Variants in ABL1 observed in about 807,000 individuals in gnomAD.
ABL1 encodes ABL proto-oncogene 1, non-receptor tyrosine kinase, also known as tyrosine-protein kinase ABL1.
ABL1 carries 11 observed loss-of-function variants against 94.7 expected under a neutral mutation model. The observed-to-expected ratio is 0.12, with a 90% CI of 0.07 to 0.19. ABL1 has a LOEUF of 0.19. ABL1 is among the 10% of genes least tolerant of loss of function. ABL1 has a pLI of 1.00. For synonymous variants in ABL1, 656 were observed against 622.4 expected, an observed-to-expected ratio of 1.05 and a Z score of -0.80; for missense variants, 1,082 against 1,489.4, an observed-to-expected ratio of 0.73 and a Z score of 4.50.
chr9:130,769,827 G>A (rs1405678874), intron 1 of ABL1, among the ~76,000 whole-genome samples: 1 of 151,932 alleles, frequency 6.6e-6, no homozygotes, highest in South Asian at 2.1e-4. Flanking sequence ...TCCCTTGTGC[G>A]GCCCTTTTGT....
exon 1 of ABL1, chr9:130,714,101 A>G (rs544427943): frequency 1.2e-4 from 51 of 417,730 alleles, no homozygotes; most frequent in Non-Finnish European, 1.9e-4. Context: ...TGAAATTGAT[A>G]ACCGCGAAAA....
chr9:130,853,169 TC>T (rs1830903186), intron 1 of ABL1, among the ~76,000 whole-genome samples: 2 of 111,162 alleles, frequency 1.8e-5, no homozygotes, highest in African/African-American at 6.8e-5. Flanking sequence ...ATTTGACTTT[TC>T]TTTTTTTTTT....
At chr9:130,815,569 A>G (rs1034280273) in intron 1 of ABL1, among the ~76,000 whole-genome samples, 9 of 151,992 alleles carry the variant, frequency 5.9e-5, no homozygotes, top group African/African-American at 2.2e-4. Context: ...GTCATCTCTC[A>G]CTTGGATGAT....
intron 1 of ABL1, among the ~76,000 whole-genome samples, chr9:130,759,933 C>T (rs182931925): frequency 3.5e-4 from 52 of 150,550 alleles, no homozygotes; most frequent in African/African-American, 1.3e-3. Context: ...GCTGGGACTA[C>T]GTGCTTGTGC....
chr9:130,725,005 G>T (rs959497355), intron 1 of ABL1: 5 of 274,982 alleles, frequency 1.8e-5, no homozygotes, highest in African/African-American at 8.8e-5. Flanking sequence ...CACAACGTGT[G>T]CATCATATTG....
intron 1 of ABL1, among the ~76,000 whole-genome samples, chr9:130,765,658 A>C (rs34063018): frequency 0.023 from 3,551 of 152,266 alleles, 137 homozygotes; most frequent in African/African-American, 0.082. Flanking sequence ...TTCTCTTATA[A>C]GGAAGGAAAT....
chr9:130,880,005 C>A lies in ABL1; in HGVS notation c.1424-63C>A. On this transcript the variant is annotated intron_variant, in intron 8 of 10. Coordinates refer to ENST00000318560, the MANE Select transcript of ABL1 (RefSeq NM_005157.6). The surrounding 1 kb of genome is among the most constrained non-coding windows in gnomAD (Gnocchi z 4.4). Reference sequence around the variant, plus strand: ...TTCATTCTAGACTTTTCCTTGAGAACTGCTAGCCCCGTATTGCTAGCCAGA... The same window carrying A: ...TTCATTCTAGACTTTTCCTTGAGAAATGCTAGCCCCGTATTGCTAGCCAGA... 6.8e-7 allele frequency: 1 copy of A among 1,464,292 alleles called. No individual in the cohort carries two copies. Among genetic ancestry groups the A allele is most frequent in the Non-Finnish European group, 9.6e-7 (1 of 1,043,502 alleles). The allele number at this position is 1,464,292 out of a possible 1,614,324, so 90.7% of individuals were successfully genotyped here.
In ABL1 at chr9:130,883,061, G is replaced by A. The variant is rs34542147; in HGVS notation, c.1679-908G>A. ...TCAGACAGGCCTGGATCTGATAACC[G>A]GCTCTGATGCCACCATCCCTGAGGC... is the stretch of plus-strand genomic sequence containing the variant. On this transcript the variant is annotated intron_variant, in intron 10 of 10. Coordinates refer to ENST00000318560, the MANE Select transcript of ABL1 (RefSeq NM_005157.6). Among the ~76,000 whole-genome samples the A allele has an allele frequency of 2.1e-4, 32 of 152,244 alleles. 1 individual carries two copies. In the East Asian group the frequency reaches 4.1e-3, roughly 19 times the overall value.
chr9:130,735,012 T>C (rs1831716540), intron 1 of ABL1, among the ~76,000 whole-genome samples: 1 of 152,146 alleles, frequency 6.6e-6, no homozygotes, highest in Non-Finnish European at 1.5e-5. Context: ...CGATTTATTT[T>C]AAAATTAAAT....
chr9:130,746,290 T>A (rs972405252), intron 1 of ABL1, among the ~76,000 whole-genome samples: 11 of 152,052 alleles, frequency 7.2e-5, no homozygotes, highest in Non-Finnish European at 1.3e-4. Context: ...TTTATTTTTT[T>A]AAATTTTATT....
Position 130,886,538 on chromosome 9 carries a change from G to A in ABL1, c.*855G>A, listed in dbSNP as rs1428826410. 1.3e-5 allele frequency: 3 copies of A among 232,566 alleles called. No homozygotes were observed. Among genetic ancestry groups the A allele is most frequent in the Non-Finnish European group, 1.7e-5 (2 of 118,000 alleles). 14.4% of individuals were successfully genotyped at this position (232,566 alleles called of 1,614,324 possible). A position where few individuals can be genotyped will look rare whatever the true frequency, so the allele number is the denominator to read the frequency against. ...CTCCCCCAGCAGAATGGAGGCAGGG[G>A]ACAAGGGAGGCAGTGGCTAGTGGGG... On this transcript the variant is annotated 3_prime_UTR_variant, in exon 11 of 11. Transcript: ENST00000318560.
chr9:130,790,567 T>G (rs140806684), intron 1 of ABL1, among the ~76,000 whole-genome samples: 1,994 of 152,118 alleles, frequency 0.013, 15 homozygotes, highest in Non-Finnish European at 0.021. Context: ...CATTACAGCC[T>G]TGAACTTCTG....
At chr9:130,842,233 C>G (rs892995785) in intron 1 of ABL1, among the ~76,000 whole-genome samples, 1 of 152,160 alleles carries the variant, frequency 6.6e-6, no homozygotes, top group Non-Finnish European at 1.5e-5. Context: ...CTTCACATCT[C>G]TCTGTTTCCA....
intron 1 of ABL1, among the ~76,000 whole-genome samples, chr9:130,736,277 A>G (rs1000039818): frequency 5.9e-5 from 9 of 151,656 alleles, no homozygotes; most frequent in Admixed American, 2.6e-4. Flanking sequence ...ATAGAGATCT[A>G]TATTGGTAGA....
upstream of ABL1, among the ~76,000 whole-genome samples, chr9:130,833,170 G>A (rs1019999105): frequency 2.0e-5 from 3 of 152,092 alleles, no homozygotes; most frequent in Non-Finnish European, 4.4e-5. Flanking sequence ...ATTAACAGAC[G>A]GTATTCAAGG....
upstream of ABL1, among the ~76,000 whole-genome samples, chr9:130,832,193 T>C (rs1170645349): frequency 3.3e-5 from 5 of 150,236 alleles, no homozygotes; most frequent in African/African-American, 1.2e-4. Flanking sequence ...GTGCGATCAC[T>C]GCTCACTGCA....
intron 1 of ABL1, among the ~76,000 whole-genome samples, chr9:130,771,682 A>G (rs1832253036): frequency 6.6e-6 from 1 of 151,782 alleles, no homozygotes; most frequent in African/African-American, 2.4e-5. Flanking sequence ...GGATAGCAGC[A>G]GTACCCAGCC....
intron 1 of ABL1, among the ~76,000 whole-genome samples, chr9:130,804,039 A>T (rs1470846420): frequency 6.6e-6 from 1 of 151,548 alleles, no homozygotes. Flanking sequence ...TCAGCCCAAG[A>T]GACTGAGTGA....
intron 1 of ABL1, among the ~76,000 whole-genome samples, chr9:130,728,110 G>A (rs979545164): frequency 5.9e-5 from 9 of 152,108 alleles, no homozygotes; most frequent in African/African-American, 2.2e-4. Flanking sequence ...CTGTCACTCA[G>A]GCTGGAGTGC....
Sources: gnomAD v4.1 joint callset for allele counts (sites outside exome capture counted in the v4.1 genomes callset) on GRCh38, gnomAD v4.1.1 for gene constraint, Gnocchi (gnomAD v3.1) non-coding constraint, MANE v1.5 for transcripts, NCBI Gene and HGNC (gene_info 2026-07-23, HGNC 2026-07-21) for gene names.